The following CATSPERT variants were observed in gnomAD, a reference collection of about 807,000 sequenced individuals.
CATSPERT encodes catsper channel auxiliary subunit tau.
chr2:201,563,186 C>T, the CATSPERT span, among the ~76,000 whole-genome samples: 4 of 108,824 alleles, frequency 3.7e-5, no homozygotes, highest in Non-Finnish European at 3.9e-5. Context: ...GCTGGCCGGG[C>T]GGGGGCTGAC....
the CATSPERT span, among the ~76,000 whole-genome samples, chr2:201,534,078 ATCTATC>A: frequency 6.7e-5 from 10 of 149,702 alleles, no homozygotes; most frequent in African/African-American, 2.4e-4. Context: ...CTATCTATCT[ATCTATC>A]TATCAAATCT....
the CATSPERT span, chr2:201,493,847 A>G: frequency 2.0e-6 from 3 of 1,536,052 alleles, no homozygotes; most frequent in South Asian, 1.2e-5. Context: ...TTAATTGGAA[A>G]ATCTCTCTCA....
At chr2:201,563,124 G>A in the CATSPERT span, among the ~76,000 whole-genome samples, 1 of 63,234 alleles carries the variant, frequency 1.6e-5, no homozygotes, top group Non-Finnish European at 3.5e-5. Context: ...TCCCGGATGG[G>A]GCGGCTGGCC....
At chr2:201,564,457 A>G in the CATSPERT span, among the ~76,000 whole-genome samples, 1 of 152,162 alleles carries the variant, frequency 6.6e-6, no homozygotes, top group African/African-American at 2.4e-5. Flanking sequence ...ATTTAAATAG[A>G]CTCACAGAAG....
the CATSPERT span, among the ~76,000 whole-genome samples, chr2:201,526,831 A>C: frequency 6.6e-6 from 1 of 152,208 alleles, no homozygotes; most frequent in Non-Finnish European, 1.5e-5. Context: ...AAAAGCTGGA[A>C]ACATTCCCTT....
the CATSPERT span, chr2:201,534,314 A>G: frequency 2.5e-6 from 2 of 807,770 alleles, no homozygotes; most frequent in Non-Finnish European, 3.0e-6. Context: ...TCAACCCCAC[A>G]GTATCTTGAG....
chr2:201,585,886 C>T, the CATSPERT span, among the ~76,000 whole-genome samples: 1 of 152,082 alleles, frequency 6.6e-6, no homozygotes, highest in Non-Finnish European at 1.5e-5. Context: ...TGCATGCGTC[C>T]ACTTACACAT....
chr2:201,587,376 A>G, the CATSPERT span, among the ~76,000 whole-genome samples: 1 of 152,098 alleles, frequency 6.6e-6, no homozygotes, highest in African/African-American at 2.4e-5. Context: ...TATTTATTAC[A>G]ATGCAGGTCT....
the CATSPERT span, among the ~76,000 whole-genome samples, chr2:201,591,989 A>G: frequency 6.6e-6 from 1 of 152,004 alleles, no homozygotes; most frequent in African/African-American, 2.4e-5. Flanking sequence ...CCTTCTCCTG[A>G]CTAATTGCCC....
chr2:201,615,823 GAAGAA>G, the CATSPERT span, among the ~76,000 whole-genome samples: 1 of 152,098 alleles, frequency 6.6e-6, no homozygotes, highest in African/African-American at 2.4e-5. Flanking sequence ...GACTAAGAAA[GAAGAA>G]AAGAGAGAAG....
chr2:201,585,574 A>C, the CATSPERT span, among the ~76,000 whole-genome samples: 1 of 152,256 alleles, frequency 6.6e-6, no homozygotes, highest in African/African-American at 2.4e-5. Context: ...AAACTAAACA[A>C]ATATAGACTA....
chr2:201,494,731 T>G, the CATSPERT span: 1 of 1,509,788 alleles, frequency 6.6e-7, no homozygotes, highest in Non-Finnish European at 8.8e-7. Context: ...TAGAAAAGGA[T>G]CAAAACCGTT....
At chr2:201,537,444 C>T in the CATSPERT span, 3 of 1,589,926 alleles carry the variant, frequency 1.9e-6, no homozygotes, top group African/African-American at 1.3e-5. Context: ...ACCTCATTTG[C>T]AGTAGTTTCA....
chr2:201,492,484 A>C, the CATSPERT span: 1 of 1,535,176 alleles, frequency 6.5e-7, no homozygotes, highest in Non-Finnish European at 8.7e-7. Context: ...CCTTCTACCA[A>C]AACTCCCCTT....
chr2:201,526,592 T>G, the CATSPERT span, among the ~76,000 whole-genome samples: 81 of 152,318 alleles, frequency 5.3e-4, no homozygotes, highest in Non-Finnish European at 7.6e-4. Context: ...GTAGGCTTTA[T>G]TCCTGGGATG....
chr2:201,547,554 T>A, the CATSPERT span: 1 of 1,562,158 alleles, frequency 6.4e-7, no homozygotes, highest in Admixed American at 1.8e-5. Flanking sequence ...TTCTAAATAG[T>A]TAGCTTTATC....
At chr2:201,532,533 C>A in the CATSPERT span, among the ~76,000 whole-genome samples, 1 of 151,952 alleles carries the variant, frequency 6.6e-6, no homozygotes, top group Non-Finnish European at 1.5e-5. Context: ...GGAAGTTATT[C>A]ATTTATAAAT....
At chr2:201,515,184 G>T in the CATSPERT span, among the ~76,000 whole-genome samples, 1 of 103,010 alleles carries the variant, frequency 9.7e-6, no homozygotes, top group Non-Finnish European at 2.0e-5. Flanking sequence ...GGAATTGAGT[G>T]TTGTGAATCT....
the CATSPERT span, among the ~76,000 whole-genome samples, chr2:201,594,628 G>T: frequency 7.9e-5 from 12 of 152,188 alleles, no homozygotes; most frequent in East Asian, 3.9e-4. Context: ...ATCAGACGTA[G>T]ATTTGGTCTT....
Sources: gnomAD v4.1 joint callset for allele counts (sites outside exome capture counted in the v4.1 genomes callset) on GRCh38, gnomAD v4.1.1 for gene constraint, MANE v1.5 for transcripts, NCBI Gene and HGNC (gene_info 2026-07-23, HGNC 2026-07-21) for gene names.